The following FRMPD4 variants were observed in gnomAD, a reference collection of about 807,000 sequenced individuals.
FRMPD4 encodes FERM and PDZ domain-containing protein 4.
Under a neutral mutation model 94.1 loss-of-function variants are expected in FRMPD4, and 22 were observed. The observed-to-expected ratio is 0.23, with a 90% CI of 0.17 to 0.33. The LOEUF is 0.33. Among genes scored for constraint, FRMPD4 ranks in the 10% least tolerant of loss-of-function variants. The pLI is 1.00. For synonymous variants in FRMPD4, 631 were observed against 548.6 expected (o/e 1.15, Z -2.10); for missense variants, 1,111 against 1,339.9 (o/e 0.83, Z 2.67).
chrX:12,182,534 C>T lies in FRMPD4; in HGVS notation c.41+43522C>T, dbSNP rs184943048. Among the ~76,000 whole-genome samples, 272 of 107,440 alleles carry T rather than the reference C, an allele frequency of 2.5e-3. 2 individuals are homozygous for T. Among genetic ancestry groups the T allele is most frequent in the Middle Eastern group, 4.7e-3 (1 of 215 alleles). 93.3% of individuals were successfully genotyped at this position (107,440 alleles called of 115,157 possible). On this transcript the variant is annotated intron_variant, in intron 1 of 16. Coordinates refer to ENST00000675598, the MANE Select transcript of FRMPD4 (RefSeq NM_001368397.1). ...TCTCAGTCCCACCTTCTATCTAAAACTTTGTTCAGTCTCTTAGGAGGGGGA... is the reference window on the plus strand; with the variant it reads ...TCTCAGTCCCACCTTCTATCTAAAATTTTGTTCAGTCTCTTAGGAGGGGGA...
At chrX:12,651,515 T>C (rs144807684) in intron 4 of FRMPD4, among the ~76,000 whole-genome samples, 74 of 110,506 alleles carry the variant, frequency 6.7e-4, no homozygotes, top group African/African-American at 2.3e-3. Context: ...TATTTCAATT[T>C]TGCAGTCACA....
At chrX:12,387,704 GT>G (rs367706961) in intron 1 of FRMPD4, among the ~76,000 whole-genome samples, 2,651 of 103,389 alleles carry the variant, frequency 0.026, 80 homozygotes, top group African/African-American at 0.086. Context: ...TTTTTTGTTT[GT>G]TTTTTTTTTT....
intron 1 of FRMPD4, among the ~76,000 whole-genome samples, chrX:12,475,609 G>T (rs1047715285): frequency 1.2e-4 from 14 of 112,121 alleles, no homozygotes; most frequent in Admixed American, 1.2e-3. Context: ...AGCAACTTCA[G>T]CAAAGTCTCA....
At chrX:11,887,586 A>C (rs2053852832) in intron 3 of FRMPD4, among the ~76,000 whole-genome samples, 1 of 112,171 alleles carries the variant, frequency 8.9e-6, no homozygotes, top group Admixed American at 9.4e-5. Context: ...TTCTTTACCT[A>C]CAACTGTCTT....
At chrX:12,642,884 CAG>C (rs1325812963) in intron 4 of FRMPD4, among the ~76,000 whole-genome samples, 1 of 111,945 alleles carries the variant, frequency 8.9e-6, no homozygotes. Flanking sequence ...GCCTGAGTGA[CAG>C]AGTGAGACCC....
chrX:11,959,021 C>T (rs2054270715), intron 3 of FRMPD4, among the ~76,000 whole-genome samples: 1 of 112,328 alleles, frequency 8.9e-6, no homozygotes, highest in South Asian at 3.6e-4. Context: ...AACCAAAAAT[C>T]ACAGTGAGGG....
intron 1 of FRMPD4, among the ~76,000 whole-genome samples, chrX:12,188,637 A>G (rs1427874239): frequency 8.9e-6 from 1 of 111,871 alleles, no homozygotes; most frequent in Non-Finnish European, 1.9e-5. Context: ...GAGCATATAA[A>G]CCACAGTTTA....
chrX:11,974,211 T>C (rs1034126526), intron 3 of FRMPD4, among the ~76,000 whole-genome samples: 8 of 109,244 alleles, frequency 7.3e-5, no homozygotes, highest in Non-Finnish European at 1.1e-4. Context: ...TGATGGGAGG[T>C]GTTTGGGTCA....
In FRMPD4 at chrX:12,498,571, G is replaced by A. The variant is rs2148223998; in HGVS notation, c.42-109G>A. 5.3e-6 allele frequency: 3 copies of A among 561,588 alleles called. No homozygotes were observed. In the South Asian group the frequency reaches 6.9e-5, roughly 13 times the overall value. 46.3% of individuals were successfully genotyped at this position (561,588 alleles called of 1,213,427 possible). A position where few individuals can be genotyped will look rare whatever the true frequency, so the allele number is the denominator to read the frequency against. ...CGATTTTTGTTGCAACGTTAATTGG[G>A]GGTTTGCCCAATCTAAGAGGAGCAA... On this transcript the variant is annotated intron_variant, in intron 1 of 16. Coordinates refer to ENST00000675598, the MANE Select transcript of FRMPD4 (RefSeq NM_001368397.1).
chrX:12,407,024 G>T (rs1410959485), intron 1 of FRMPD4, among the ~76,000 whole-genome samples: 1 of 110,467 alleles, frequency 9.1e-6, no homozygotes, highest in African/African-American at 3.3e-5. Flanking sequence ...TTGCCTCATA[G>T]CTCCAAATCA....
chrX:12,430,578 A>G (rs2056999599), intron 1 of FRMPD4, among the ~76,000 whole-genome samples: 1 of 112,232 alleles, frequency 8.9e-6, no homozygotes, highest in South Asian at 3.8e-4. Flanking sequence ...TCTCAAAAAG[A>G]CAAAGACAGG....
At chrX:12,037,857 T>G (rs1271692282) in intron 3 of FRMPD4, among the ~76,000 whole-genome samples, 1 of 111,638 alleles carries the variant, frequency 9.0e-6, no homozygotes, top group Non-Finnish European at 1.9e-5. Flanking sequence ...CCTGCATTAT[T>G]TTGCTAAGGA....
At chrX:11,924,449 A>G (rs1010523876) in intron 3 of FRMPD4, among the ~76,000 whole-genome samples, 1 of 111,716 alleles carries the variant, frequency 9.0e-6, no homozygotes, top group Admixed American at 9.5e-5. Context: ...CCAAGGACAC[A>G]TAATCATCAG....
chrX:12,462,130 G>A (rs945011087), intron 1 of FRMPD4, among the ~76,000 whole-genome samples: 2 of 111,745 alleles, frequency 1.8e-5, no homozygotes, highest in African/African-American at 6.5e-5. Context: ...TGTTTCATTC[G>A]CCAATGCAAG....
At chrX:12,014,764 G>A (rs916912034) in intron 3 of FRMPD4, among the ~76,000 whole-genome samples, 1 of 111,402 alleles carries the variant, frequency 9.0e-6, no homozygotes, top group Non-Finnish European at 1.9e-5. Flanking sequence ...GATAGCTGCT[G>A]AAAATATACA....
intron 4 of FRMPD4, among the ~76,000 whole-genome samples, chrX:12,620,221 C>T (rs1000236591): frequency 8.9e-6 from 1 of 112,766 alleles, no homozygotes; most frequent in African/African-American, 3.2e-5. Flanking sequence ...CACAGGCAGG[C>T]CTGCTAGCCT....
At chrX:11,925,991 C>T (rs1249688737) in intron 3 of FRMPD4, among the ~76,000 whole-genome samples, 1 of 110,162 alleles carries the variant, frequency 9.1e-6, no homozygotes. Context: ...AGACTGCTAG[C>T]TAGACTAATA....
At chrX:12,647,067 C>A (rs749486705) in intron 4 of FRMPD4, among the ~76,000 whole-genome samples, 2 of 111,599 alleles carry the variant, frequency 1.8e-5, no homozygotes, top group Non-Finnish European at 3.8e-5. Context: ...ATTCTTGAAC[C>A]GCTCAAAATG....
At chrX:12,231,986 GGCACTGTTAAGA>G (rs1397674670) in intron 1 of FRMPD4, among the ~76,000 whole-genome samples, 1 of 111,360 alleles carries the variant, frequency 9.0e-6, no homozygotes, top group Admixed American at 9.6e-5. Context: ...TCCAAATCAG[GGCACTGTTAAGA>G]GTGAAAAGGA....
Sources: gnomAD v4.1 joint callset for allele counts (sites outside exome capture counted in the v4.1 genomes callset) on GRCh38, gnomAD v4.1.1 for gene constraint, MANE v1.5 for transcripts, NCBI Gene and HGNC (gene_info 2026-07-23, HGNC 2026-07-21) for gene names.